Variants in CDH2 observed in about 807,000 individuals in gnomAD.
CDH2 encodes the protein cadherin 2.
In CDH2, 17 loss-of-function variants were observed where a neutral mutation model predicts 92.0. The observed-to-expected ratio is 0.18, with a 90% CI of 0.13 to 0.28. The LOEUF (loss-of-function observed/expected upper bound fraction) is 0.28. Among genes scored for constraint, CDH2 ranks in the 10% least tolerant of loss-of-function variants. CDH2 has a pLI of 1.00. For synonymous variants in CDH2, 419 were observed against 415.9 expected (o/e 1.01, Z -0.09); for missense variants, 862 against 1,133.1 (o/e 0.76, Z 3.44).
At chr18:28,125,676 T>C (rs2015665243) in intron 2 of CDH2, among the ~76,000 whole-genome samples, 1 of 152,168 alleles carries the variant, frequency 6.6e-6, no homozygotes. Context: ...GAGCATTTAC[T>C]ATGTGCTGAG....
At chr18:28,170,398 T>C (rs1207687988) in intron 1 of CDH2, among the ~76,000 whole-genome samples, 1 of 152,170 alleles carries the variant, frequency 6.6e-6, no homozygotes, top group Admixed American at 6.5e-5. Context: ...CAGGCTGGAG[T>C]GCAGTGGCAT....
In CDH2 at chr18:28,143,739, G is replaced by C. The variant is rs149908461; in HGVS notation, c.172+3934C>G. Among the ~76,000 whole-genome samples, 190 of 151,754 alleles carry C rather than the reference G, an allele frequency of 1.3e-3. 2 individuals carry two copies. The highest frequency in any genetic ancestry group is 7.7e-3 in the South Asian group (37 of 4,804). ...ACTAAATTAGAAATCAGGAAACCTG[G>C]GTTCTAATTCCAGATCTGCTGCTAA... is the stretch of plus-strand genomic sequence containing the variant. On this transcript the variant is annotated intron_variant, in intron 2 of 15. Transcript: ENST00000269141.
intron 2 of CDH2, among the ~76,000 whole-genome samples, chr18:28,053,256 A>C (rs2014227628): frequency 6.6e-6 from 1 of 152,240 alleles, no homozygotes; most frequent in Non-Finnish European, 1.5e-5. Context: ...CAAACTCTGC[A>C]AATTATTCAC....
chr18:28,101,211 C>T (rs2015220902), intron 2 of CDH2, among the ~76,000 whole-genome samples: 1 of 152,114 alleles, frequency 6.6e-6, no homozygotes, highest in African/African-American at 2.4e-5. Flanking sequence ...CTCTAGAACA[C>T]CTTAGCAGTT....
At chr18:28,018,860 C>T in intron 2 of CDH2, among the ~76,000 whole-genome samples, 1 of 147,344 alleles carries the variant, frequency 6.8e-6, no homozygotes, top group East Asian at 2.0e-4. Flanking sequence ...GAAAAAGATA[C>T]TTGCACACAC....
At chr18:28,007,165 AATATATATATAT>A (rs1555632742) in intron 5 of CDH2, among the ~76,000 whole-genome samples, 1 of 110,502 alleles carries the variant, frequency 9.0e-6, no homozygotes, top group African/African-American at 4.4e-5. Flanking sequence ...ATAAAAAAAA[AATATATATATAT>A]ATATATATAT....
intron 1 of CDH2, among the ~76,000 whole-genome samples, chr18:28,171,413 A>G (rs1381029505): frequency 6.6e-6 from 1 of 152,130 alleles, no homozygotes; most frequent in African/African-American, 2.4e-5. Flanking sequence ...CAGTAATATT[A>G]CACTTACCTT....
At chr18:27,967,647 AT>A (rs1371922379) in intron 14 of CDH2, among the ~76,000 whole-genome samples, 1 of 152,214 alleles carries the variant, frequency 6.6e-6, no homozygotes, top group African/African-American at 2.4e-5. Context: ...TTTTTACTTC[AT>A]TTTAATGTTT....
chr18:28,140,180 A>G (rs908852098), intron 2 of CDH2, among the ~76,000 whole-genome samples: 2 of 152,054 alleles, frequency 1.3e-5, no homozygotes, highest in Non-Finnish European at 2.9e-5. Flanking sequence ...TTACCTAAAT[A>G]TGAGTGTTTT....
At chr18:28,028,969 A>T (rs2144078347) in intron 2 of CDH2, among the ~76,000 whole-genome samples, 1 of 152,326 alleles carries the variant, frequency 6.6e-6, no homozygotes, top group African/African-American at 2.4e-5. Context: ...AAATTCTAAT[A>T]TAAGTTCACT....
intron 2 of CDH2, among the ~76,000 whole-genome samples, chr18:28,051,615 T>C (rs2014192586): frequency 6.6e-6 from 1 of 152,136 alleles, no homozygotes; most frequent in South Asian, 2.1e-4. Flanking sequence ...AATAGAACCT[T>C]TTCTGTAAAT....
intron 2 of CDH2, among the ~76,000 whole-genome samples, chr18:28,089,327 C>A (rs535173875): frequency 2.0e-5 from 3 of 152,154 alleles, no homozygotes; most frequent in African/African-American, 7.2e-5. Context: ...TATATAATAA[C>A]TACAACAGAA....
intron 1 of CDH2, among the ~76,000 whole-genome samples, chr18:28,156,727 T>C (rs4068907): frequency 0.014 from 324 of 23,794 alleles, 30 homozygotes; most frequent in African/African-American, 0.018. Flanking sequence ...TTCCCAGGTA[T>C]AGCATGTCAC....
intron 1 of CDH2, among the ~76,000 whole-genome samples, chr18:28,157,617 A>C (rs1430047496): frequency 2.6e-5 from 4 of 152,206 alleles, no homozygotes; most frequent in African/African-American, 9.7e-5. Flanking sequence ...ATACATTGAC[A>C]CATAGTACCT....
At chr18:28,040,268 T>C (rs550188817) in intron 2 of CDH2, among the ~76,000 whole-genome samples, 2 of 152,258 alleles carry the variant, frequency 1.3e-5, no homozygotes, top group South Asian at 4.1e-4. Flanking sequence ...AAGATAGTAA[T>C]AGTACTCCTA....
At chr18:28,099,707 A>C (rs1229324306) in intron 2 of CDH2, among the ~76,000 whole-genome samples, 2 of 152,124 alleles carry the variant, frequency 1.3e-5, no homozygotes, top group African/African-American at 4.8e-5. Flanking sequence ...CCTTGATAAG[A>C]AAACAAGGCC....
Position 27,964,268 on chromosome 18 carries a change from CAG to C in CDH2, c.2350-749_2350-748del, listed in dbSNP as rs1462973852. On this transcript the variant is annotated intron_variant, in intron 14 of 15. Transcript: ENST00000269141. ...CCTGGAAAAACAATCTGTCCGCTTT[CAG>C]AGAGGCAAAGTACAACTTGTGAAGA... 2.0e-5 allele frequency among the ~76,000 whole-genome samples: 3 copies of C among 152,316 alleles called. No individual in the cohort carries two copies. In the South Asian group the frequency reaches 6.2e-4, roughly 32 times the overall value.
At chr18:28,101,055 C>T (rs2015218092) in intron 2 of CDH2, among the ~76,000 whole-genome samples, 1 of 152,176 alleles carries the variant, frequency 6.6e-6, no homozygotes, top group Non-Finnish European at 1.5e-5. Context: ...TCAACACACA[C>T]TTTCTTGAAC....
intron 1 of CDH2, among the ~76,000 whole-genome samples, chr18:28,175,568 G>A (rs1238435565): frequency 2.0e-5 from 3 of 152,134 alleles, no homozygotes; most frequent in Non-Finnish European, 4.4e-5. Flanking sequence ...GGGAGAAAGC[G>A]CGAGAGACTG....
Sources: gnomAD v4.1 joint callset for allele counts (sites outside exome capture counted in the v4.1 genomes callset) on GRCh38, gnomAD v4.1.1 for gene constraint, MANE v1.5 for transcripts, NCBI Gene and HGNC (gene_info 2026-07-23, HGNC 2026-07-21) for gene names.